Variants in CTNNA3 observed in about 807,000 individuals in gnomAD.
CTNNA3 encodes the protein catenin alpha-3.
In CTNNA3, 76 loss-of-function variants were observed where a neutral mutation model predicts 95.7. The ratio of observed to expected loss-of-function variants is 0.79; its 90% CI spans 0.66 to 0.96. The LOEUF (loss-of-function observed/expected upper bound fraction) is 0.96, where lower values mean the gene tolerates loss of function less well. Among genes scored for constraint, CTNNA3 ranks in the 40% least tolerant of loss-of-function variants. The pLI is 0.00. For missense variants in CTNNA3, 1,191 were observed against 1,089.8 expected (o/e 1.09, Z -1.31); for synonymous variants, 431 against 374.4 (o/e 1.15, Z -1.74).
intron 4 of CTNNA3, among the ~76,000 whole-genome samples, chr10:67,528,045 C>T (rs985466847): frequency 2.6e-5 from 4 of 152,168 alleles, no homozygotes; most frequent in Non-Finnish European, 1.5e-5. Flanking sequence ...ACCTTACAGT[C>T]CTGGTTTGGC....
intron 2 of CTNNA3, among the ~76,000 whole-genome samples, chr10:67,641,259 C>T (rs1589523253): frequency 6.6e-6 from 1 of 152,066 alleles, no homozygotes; most frequent in African/African-American, 2.4e-5. Flanking sequence ...TGAAAAAATG[C>T]TCATCATCAC....
intron 10 of CTNNA3, among the ~76,000 whole-genome samples, chr10:66,522,240 A>G (rs1463556527): frequency 6.6e-6 from 1 of 152,126 alleles, no homozygotes; most frequent in Non-Finnish European, 1.5e-5. Context: ...TATTTTTTAA[A>G]GCATCAGTGA....
chr10:65,932,051 G>A (rs895088861), intron 17 of CTNNA3, among the ~76,000 whole-genome samples: 8 of 152,202 alleles, frequency 5.3e-5, no homozygotes, highest in Non-Finnish European at 1.2e-4. Context: ...CCATGTAGGT[G>A]AGAGGGTGTG....
chr10:66,126,242 A>G (rs993441032), intron 13 of CTNNA3, among the ~76,000 whole-genome samples: 2 of 152,240 alleles, frequency 1.3e-5, no homozygotes, highest in Admixed American at 1.3e-4. Flanking sequence ...AATGATTCTC[A>G]TAATGTTATA....
rs12413720 is a variant in CTNNA3 at position 66,229,076 on chromosome 10, T to A, written c.1884+51394A>T. ...GCAGCATATAGTTAGGTCAATTTTTTAAATCTATATAGCCCAGTCAGCAAA... is the reference window on the plus strand; with the variant it reads ...GCAGCATATAGTTAGGTCAATTTTTAAAATCTATATAGCCCAGTCAGCAAA... On this transcript the variant is annotated intron_variant, in intron 13 of 17. Transcript: ENST00000433211. Among the ~76,000 whole-genome samples the A allele has an allele frequency of 1.5e-3, 230 of 152,292 alleles. 3 individuals are homozygous for A. Among genetic ancestry groups the A allele is most frequent in the East Asian group, 0.012 (64 of 5,184 alleles).
rs187439071 is a variant in CTNNA3, at chr10:66,486,561, T to C, written c.1531+34056A>G. ...GAGATAAGAAGTATGGGCAAGGCCA[T>C]GGAAAAACGGGAAGCTTTGTACACT... On this transcript the variant is annotated intron_variant, in intron 11 of 17. Coordinates refer to ENST00000433211, the MANE Select transcript of CTNNA3 (RefSeq NM_013266.4). Among the ~76,000 whole-genome samples the C allele has an allele frequency of 2.6e-5, 4 of 152,174 alleles. No individual in the cohort carries two copies. The East Asian group carries it at 5.8e-4, about 22-fold the overall frequency.
At chr10:66,453,936 G>A (rs2093479973) in intron 11 of CTNNA3, among the ~76,000 whole-genome samples, 1 of 152,134 alleles carries the variant, frequency 6.6e-6, no homozygotes, top group Non-Finnish European at 1.5e-5. Context: ...GGCAAAAATG[G>A]ATTTGCAGAT....
intron 7 of CTNNA3, among the ~76,000 whole-genome samples, chr10:67,036,768 C>CA (rs1854089886): frequency 2.0e-5 from 3 of 152,050 alleles, no homozygotes; most frequent in African/African-American, 7.2e-5. Flanking sequence ...TCTAGAGATA[C>CA]AACAGTGAGC....
At chr10:66,830,747 C>G (rs1011442358) in intron 7 of CTNNA3, among the ~76,000 whole-genome samples, 1 of 152,030 alleles carries the variant, frequency 6.6e-6, no homozygotes, top group Non-Finnish European at 1.5e-5. Context: ...GTAGCTGGGA[C>G]TACAGGCGCC....
At chr10:67,425,635 C>T (rs114310894) in intron 5 of CTNNA3, among the ~76,000 whole-genome samples, 1 of 152,060 alleles carries the variant, frequency 6.6e-6, no homozygotes, top group African/African-American at 2.4e-5. Context: ...AGCTGCTTTG[C>T]CTCAGCCCGC....
At chr10:66,469,564 G>A (rs776171945) in intron 11 of CTNNA3, among the ~76,000 whole-genome samples, 5 of 151,992 alleles carry the variant, frequency 3.3e-5, no homozygotes, top group Admixed American at 2.0e-4. Flanking sequence ...ATATTAAGCA[G>A]AGGGTGCAAG....
intron 5 of CTNNA3, among the ~76,000 whole-genome samples, chr10:67,332,464 T>C (rs935617963): frequency 2.0e-5 from 3 of 152,170 alleles, no homozygotes; most frequent in Non-Finnish European, 4.4e-5. Flanking sequence ...ACTGTAGAGA[T>C]AGATTTCTGT....
intron 5 of CTNNA3, among the ~76,000 whole-genome samples, chr10:67,281,217 C>G (rs1375087970): frequency 6.6e-6 from 1 of 151,838 alleles, no homozygotes; most frequent in Non-Finnish European, 1.5e-5. Flanking sequence ...TAAATAAGAC[C>G]AATAGTAGCA....
intron 11 of CTNNA3, among the ~76,000 whole-genome samples, chr10:66,390,212 T>C (rs916160423): frequency 9.2e-5 from 14 of 152,158 alleles, no homozygotes; most frequent in African/African-American, 3.1e-4. Flanking sequence ...ACATTTTGTT[T>C]GCAAAAGCTA....
chr10:66,471,485 CTAATTTTCCAT>C (rs1839130751), intron 11 of CTNNA3, among the ~76,000 whole-genome samples: 1 of 151,668 alleles, frequency 6.6e-6, no homozygotes, highest in Non-Finnish European at 1.5e-5. Flanking sequence ...CCTTTCTAAG[CTAATTTTCCAT>C]TAATTTTCCA....
In CTNNA3 at chr10:66,331,355, T is replaced by C. The variant is rs1483667144; in HGVS notation, c.1732+47797A>G. Among the ~76,000 whole-genome samples, 173 of 124,974 alleles carry C rather than the reference T, an allele frequency of 1.4e-3. 11 individuals carry two copies. The highest frequency in any genetic ancestry group is 5.5e-3 in the African/African-American group (168 of 30,352). The allele number at this position is 124,974 out of a possible 152,430, so 82.0% of individuals were successfully genotyped here. ...TCCCCATTGTTTGTTTTTTTTTTTTTTTTTTTTTTTTTTTTTGAGACGGAG... is the reference window on the plus strand; with the variant it reads ...TCCCCATTGTTTGTTTTTTTTTTTTCTTTTTTTTTTTTTTTTGAGACGGAG... On this transcript the variant is annotated intron_variant, in intron 12 of 17. Coordinates refer to ENST00000433211, the MANE Select transcript of CTNNA3 (RefSeq NM_013266.4).
At chr10:67,580,309 A>G (rs893992493) in intron 3 of CTNNA3, among the ~76,000 whole-genome samples, 55 of 152,114 alleles carry the variant, frequency 3.6e-4, no homozygotes, top group Non-Finnish European at 7.2e-4. Context: ...TTATTAAATA[A>G]GGAATCCTTT....
chr10:67,701,463 C>T (rs1203279932), intron 1 of CTNNA3, among the ~76,000 whole-genome samples: 1 of 152,080 alleles, frequency 6.6e-6, no homozygotes, highest in Non-Finnish European at 1.5e-5. Context: ...AGAGTGGAGG[C>T]CAATATTCAA....
At chr10:66,551,896 C>CTTTTTTTTTTT (rs141885331) in intron 10 of CTNNA3, among the ~76,000 whole-genome samples, 17 of 113,964 alleles carry the variant, frequency 1.5e-4, no homozygotes, top group African/African-American at 1.9e-4. Context: ...TTTTCTTTTC[C>CTTTTTTTTTTT]TTTTTTTTTT....
Sources: gnomAD v4.1 joint callset for allele counts (sites outside exome capture counted in the v4.1 genomes callset) on GRCh38, gnomAD v4.1.1 for gene constraint, MANE v1.5 for transcripts, NCBI Gene and HGNC (gene_info 2026-07-23, HGNC 2026-07-21) for gene names.